TMEM63C: variants seen among roughly 807,000 people sequenced by gnomAD.
The protein encoded by TMEM63C is osmosensitive cation channel TMEM63C.
Under a neutral mutation model 99.2 loss-of-function variants are expected in TMEM63C, and 32 were observed. The ratio of observed to expected loss-of-function variants is 0.32; its 90% CI spans 0.24 to 0.43. The LOEUF is 0.43. Ranked by LOEUF, TMEM63C falls within the 20% of genes least tolerant of loss-of-function variation. TMEM63C has a pLI of 1.00. For missense variants in TMEM63C, 826 were observed against 1,053.0 expected, an observed-to-expected ratio of 0.78 and a Z score of 2.98; for synonymous variants, 376 against 397.9, an observed-to-expected ratio of 0.94 and a Z score of 0.66.
intron 1 of TMEM63C, among the ~76,000 whole-genome samples, chr14:77,185,851 C>T (rs1566613917): frequency 6.6e-6 from 1 of 152,048 alleles, no homozygotes; most frequent in South Asian, 2.1e-4. Context: ...TGAAGCAATC[C>T]CCTCCACACA....
At chr14:77,242,573 C>T in intron 14 of TMEM63C, 104 bp downstream of exon 14, 1 of 1,440,252 alleles carries the variant, frequency 6.9e-7, no homozygotes, top group Non-Finnish European at 9.5e-7. Flanking sequence ...ACAGAGACTC[C>T]AAGGGGACTA....
intron 21 of TMEM63C, among the ~76,000 whole-genome samples, chr14:77,249,903 C>T (rs901999357): frequency 2.6e-5 from 4 of 152,194 alleles, no homozygotes; most frequent in African/African-American, 9.7e-5. Flanking sequence ...GGCGCGATCA[C>T]GGCTCACTAC....
intron 7 of TMEM63C, among the ~76,000 whole-genome samples, chr14:77,233,125 TA>T (rs1451627036): frequency 2.0e-5 from 3 of 152,244 alleles, no homozygotes; most frequent in African/African-American, 7.2e-5. Context: ...ATAGTGTTGC[TA>T]ATTTCATCAT....
intron 15 of TMEM63C, among the ~76,000 whole-genome samples, chr14:77,243,435 T>C (rs1411851945): frequency 6.6e-6 from 1 of 152,052 alleles, no homozygotes; most frequent in African/African-American, 2.4e-5. Context: ...TCTCTGCAAG[T>C]TGTCCGAGGC....
At position 77,256,648 on chromosome 14, in the gene TMEM63C, G is replaced by C. The variant is rs758005258; in HGVS notation, c.2343G>C (p.Leu781=). 4 of 1,614,036 alleles carry C rather than the reference G, an allele frequency of 2.5e-6. No individual in the cohort carries two copies. In the East Asian group the frequency reaches 6.7e-5, roughly 27 times the overall value. The part of the protein sequence containing the change: ...QPEEGEEESG[L]RGFARELDSA... The stretch of plus-strand genomic sequence containing the variant: ...AAGAGGGAGAAGAAGAGAGTGGTCT[G>C]AGGGGCTTTGCGAGGGAGCTAGACT... The change falls in exon 24 of 24, where the codon CTG becomes CTC. Residue 781 remains leucine, a synonymous_variant. Transcript: ENST00000298351.
intron 1 of TMEM63C, among the ~76,000 whole-genome samples, chr14:77,202,287 G>C (rs148536099): frequency 2.1e-5 from 1 of 48,612 alleles, no homozygotes; most frequent in East Asian, 8.3e-4. Flanking sequence ...AACATACTCA[G>C]ATACACACAC....
At chr14:77,205,567 A>T (rs1443866327) in intron 1 of TMEM63C, among the ~76,000 whole-genome samples, 1 of 152,244 alleles carries the variant, frequency 6.6e-6, no homozygotes, top group African/African-American at 2.4e-5. Flanking sequence ...AAGAAAGCAG[A>T]GTTGAACTGG....
chr14:77,253,400 G>T (rs781645429), intron 23 of TMEM63C, 24 bp downstream of exon 23: 4 of 1,591,032 alleles, frequency 2.5e-6, no homozygotes, highest in Admixed American at 1.8e-5. Context: ...CCCAGGGACA[G>T]GTTGGGAGGG....
intron 13 of TMEM63C, 58 bp downstream of exon 13, chr14:77,240,666 C>T: frequency 6.4e-7 from 1 of 1,574,522 alleles, no homozygotes; most frequent in Non-Finnish European, 8.6e-7. Flanking sequence ...TCTCGGCACT[C>T]TCCTCCCTCT....
chr14:77,244,603 C>T, intron 16 of TMEM63C, 148 bp downstream of exon 16: 1 of 655,018 alleles, frequency 1.5e-6, no homozygotes, highest in East Asian at 2.6e-5. Context: ...AAACCATCCC[C>T]AAAGACCAAC....
chr14:77,209,749 G>A (rs1280839615), intron 1 of TMEM63C, among the ~76,000 whole-genome samples: 1 of 152,184 alleles, frequency 6.6e-6, no homozygotes, highest in Non-Finnish European at 1.5e-5. Flanking sequence ...GGAGGAAGTG[G>A]CTCAAGCTGT....
chr14:77,240,800 C>G (rs1024659948), intron 13 of TMEM63C, among the ~76,000 whole-genome samples, 192 bp downstream of exon 13: 1 of 152,232 alleles, frequency 6.6e-6, no homozygotes, highest in African/African-American at 2.4e-5. Context: ...GGCCCAGCTG[C>G]TCTCAAGGGG....
At chr14:77,223,402 G>A (rs1489150493) in intron 5 of TMEM63C, among the ~76,000 whole-genome samples, 1 of 152,140 alleles carries the variant, frequency 6.6e-6, no homozygotes, top group Non-Finnish European at 1.5e-5. Flanking sequence ...TGGTGTGGGT[G>A]AAGAAAATGG....
At chr14:77,252,795 C>T (rs1038345535) in intron 22 of TMEM63C, among the ~76,000 whole-genome samples, 1 of 152,218 alleles carries the variant, frequency 6.6e-6, no homozygotes, top group South Asian at 2.1e-4. Context: ...CTCCGCCCAG[C>T]CTTCCTTCTC....
chr14:77,205,539 T>A (rs1316155513), intron 1 of TMEM63C, among the ~76,000 whole-genome samples: 1 of 152,134 alleles, frequency 6.6e-6, no homozygotes, highest in African/African-American at 2.4e-5. Context: ...CCAGGGGGTG[T>A]ACCCAGAAGG....
chr14:77,197,063 A>G (rs1285165607), intron 1 of TMEM63C, among the ~76,000 whole-genome samples: 1 of 152,242 alleles, frequency 6.6e-6, no homozygotes, highest in East Asian at 1.9e-4. Context: ...CTATTTAAGT[A>G]AGTAAATACA....
At chr14:77,185,148 G>C (rs1435996731) in intron 1 of TMEM63C, among the ~76,000 whole-genome samples, 1 of 152,184 alleles carries the variant, frequency 6.6e-6, no homozygotes, top group East Asian at 1.9e-4. Context: ...TAGGACCCAA[G>C]TGTCCTGGGC....
At chr14:77,219,000 C>T in intron 3 of TMEM63C, 37 bp downstream of exon 3, 3 of 1,493,564 alleles carry the variant, frequency 2.0e-6, no homozygotes, top group Non-Finnish European at 2.7e-6. Context: ...GACAGTAAAG[C>T]CTCAGACAGG....
chr14:77,253,201 T>C (rs35472486), intron 22 of TMEM63C, 104 bp from the exon 23 acceptor site: 56,419 of 1,000,082 alleles, frequency 0.056, 2,205 homozygotes, highest in Admixed American at 0.16. Flanking sequence ...TGAGTTGAGT[T>C]CCAAGGTGGT....
Sources: gnomAD v4.1 joint callset for allele counts (sites outside exome capture counted in the v4.1 genomes callset) on GRCh38, gnomAD v4.1.1 for gene constraint, MANE v1.5 for transcripts, NCBI Gene and HGNC (gene_info 2026-07-23, HGNC 2026-07-21) for gene names.